KIAA1671: variants seen among roughly 807,000 people sequenced by gnomAD.
KIAA1671 encodes the protein uncharacterized protein KIAA1671.
A neutral mutation model predicts 131.2 loss-of-function variants in KIAA1671; 52 were observed. The observed-to-expected ratio is 0.40, with a 90% CI of 0.32 to 0.50. The LOEUF (loss-of-function observed/expected upper bound fraction) is 0.50, where lower values mean the gene tolerates loss of function less well. Ranked by LOEUF, KIAA1671 falls within the 20% of genes least tolerant of loss-of-function variation. The pLI is 0.73. For missense variants in KIAA1671, 2,360 were observed against 2,364.2 expected (o/e 1.00, Z 0.04); for synonymous variants, 1,003 against 961.6 (o/e 1.04, Z -0.80).
At chr22:25,107,864 C>T (rs1601320937) in intron 6 of KIAA1671, among the ~76,000 whole-genome samples, 1 of 152,176 alleles carries the variant, frequency 6.6e-6, no homozygotes, top group Admixed American at 6.5e-5. Context: ...AAAAATTAGC[C>T]AGGCGTGGTG....
At chr22:25,117,439 C>T (rs1251135540) in intron 6 of KIAA1671, among the ~76,000 whole-genome samples, 2 of 152,138 alleles carry the variant, frequency 1.3e-5, no homozygotes, top group African/African-American at 4.8e-5. Context: ...CCACACCCTG[C>T]ACTGGGGATT....
intron 6 of KIAA1671, chr22:25,054,449 C>T (rs1927732388): frequency 6.7e-6 from 1 of 149,638 alleles, no homozygotes; most frequent in Non-Finnish European, 1.5e-5. Context: ...TGCGTAGCCT[C>T]TTCTGTGTAT....
intron 6 of KIAA1671, among the ~76,000 whole-genome samples, chr22:25,120,757 T>C (rs1931895713): frequency 6.6e-6 from 1 of 152,240 alleles, no homozygotes; most frequent in African/African-American, 2.4e-5. Flanking sequence ...CTCTTTCTCT[T>C]TATATCCTTT....
intron 1 of KIAA1671, chr22:25,012,817 C>T (rs546789148): frequency 2.6e-5 from 4 of 152,236 alleles, no homozygotes; most frequent in Non-Finnish European, 5.9e-5. Context: ...TGGCACCCAG[C>T]AGAGACTGTC....
chr22:25,160,983 T>C (rs1236645652), intron 6 of KIAA1671, among the ~76,000 whole-genome samples: 1 of 152,170 alleles, frequency 6.6e-6, no homozygotes, highest in East Asian at 1.9e-4. Context: ...CTGGCAGCTT[T>C]GAGAGAGGGT....
At chr22:25,147,153 T>C (rs533346329) in intron 6 of KIAA1671, among the ~76,000 whole-genome samples, 3 of 145,506 alleles carry the variant, frequency 2.1e-5, no homozygotes, top group Non-Finnish European at 4.5e-5. Flanking sequence ...TTTTATTTTT[T>C]ACTATTTTAT....
chr22:25,037,265 G>GT (rs1343462710), intron 4 of KIAA1671, among the ~76,000 whole-genome samples: 1 of 152,210 alleles, frequency 6.6e-6, no homozygotes, highest in African/African-American at 2.4e-5. Context: ...GGAGGTTGCA[G>GT]TGAGCCGAGA....
At chr22:24,992,239 C>T (rs1158952426) in intron 1 of KIAA1671, among the ~76,000 whole-genome samples, 1 of 152,180 alleles carries the variant, frequency 6.6e-6, no homozygotes, top group Non-Finnish European at 1.5e-5. Flanking sequence ...TTAGGATGTC[C>T]ATGCCTAGGG....
intron 6 of KIAA1671, among the ~76,000 whole-genome samples, chr22:25,166,029 G>T (rs1285347379): frequency 6.6e-6 from 1 of 152,250 alleles, no homozygotes; most frequent in Non-Finnish European, 1.5e-5. Context: ...GGCTGTGGAA[G>T]GGCTTTGAGC....
intron 1 of KIAA1671, among the ~76,000 whole-genome samples, chr22:24,998,775 T>C (rs1924280199): frequency 6.7e-6 from 1 of 150,270 alleles, no homozygotes; most frequent in African/African-American, 2.4e-5. Flanking sequence ...TCACCTATTG[T>C]AAAGTTTAAA....
In KIAA1671 at chr22:25,039,162, A is replaced by C. The variant is rs1926775984; in HGVS notation, c.2032A>C (p.Asn678His). 6.4e-7 allele frequency: 1 copy of C among 1,551,692 alleles called. No individual in the cohort carries two copies. The highest frequency in any genetic ancestry group is 2.0e-5 in the Admixed American group (1 of 50,988). ...GAAAGAGAACTCCAGAGGGTTTGAC[A>C]ATCCCGAGACGGAGAAATTGGGACC... ...LKKENSRGFDNPETEKLGPTT... is the reference protein window; with the variant it reads ...LKKENSRGFDHPETEKLGPTT... The change falls in exon 5 of 13, where the codon AAT becomes CAT. Residue 678 changes from asparagine to histidine, a missense_variant. Physicochemically the swap from Asn to His is moderately conservative, Grantham distance 68 (BLOSUM62 1). This residue lies in a region of KIAA1671 where 1,185 missense variants were observed against 1,126.2 expected (regional missense o/e 1.05). Coordinates refer to ENST00000358431, the MANE Select transcript of KIAA1671 (RefSeq NM_001145206.2).
At chr22:24,984,078 G>A (rs1045683498) in intron 1 of KIAA1671, among the ~76,000 whole-genome samples, 9 of 152,046 alleles carry the variant, frequency 5.9e-5, no homozygotes, top group Non-Finnish European at 1.5e-5. Flanking sequence ...GCGCCTGGCC[G>A]GTGTTTGGAT....
chr22:25,179,165 C>T (rs1401465570), intron 9 of KIAA1671: 5 of 877,218 alleles, frequency 5.7e-6, no homozygotes, highest in South Asian at 2.9e-5. Context: ...CAGGGCAGGG[C>T]GGCTGAGTGC....
intron 6 of KIAA1671, among the ~76,000 whole-genome samples, chr22:25,130,612 C>T (rs1023032460): frequency 1.2e-4 from 18 of 152,162 alleles, no homozygotes; most frequent in African/African-American, 4.1e-4. Context: ...CTGTGAGGGG[C>T]GGGGGACACT....
At chr22:25,141,806 T>C (rs1012729019) in intron 6 of KIAA1671, among the ~76,000 whole-genome samples, 3 of 152,208 alleles carry the variant, frequency 2.0e-5, no homozygotes, top group Non-Finnish European at 2.9e-5. Flanking sequence ...CCAGAGGTTC[T>C]GACTTAGACC....
chr22:25,196,863 A>G lies in KIAA1671; in HGVS notation c.*4462A>G, dbSNP rs1934844915. ...ACTGTGCTGTTTCCTAAATCATACC[A>G]ATATCCTAAAGTCATGCACTTCCCA... On this transcript the variant is annotated 3_prime_UTR_variant, in exon 13 of 13. Transcript: ENST00000358431. The G allele has an allele frequency of 6.6e-6, 1 of 152,126 alleles. No individual in the cohort carries two copies. The highest frequency in any genetic ancestry group is 2.4e-5 in the African/African-American group (1 of 41,402). The allele number at this position is 152,126 out of a possible 1,614,324, so 9.4% of individuals were successfully genotyped here. A position where few individuals can be genotyped will look rare whatever the true frequency, so the allele number is the denominator to read the frequency against.
intron 6 of KIAA1671, among the ~76,000 whole-genome samples, chr22:25,167,269 T>TCCAAAGCTGGCTTGCTCATCTGGATC (rs1933677463): frequency 6.6e-6 from 1 of 152,208 alleles, no homozygotes; most frequent in East Asian, 1.9e-4. Context: ...GGCAGCCTCT[T>TCCAAAGCTGGCTTGCTCATCTGGATC]CCAAAGCTGG....
At chr22:25,117,749 G>A (rs1045360508) in intron 6 of KIAA1671, among the ~76,000 whole-genome samples, 4 of 151,890 alleles carry the variant, frequency 2.6e-5, no homozygotes, top group Non-Finnish European at 5.9e-5. Context: ...TCCCTACTGG[G>A]GTCCTCCGGC....
chr22:25,184,335 C>T (rs1275766733), intron 10 of KIAA1671, among the ~76,000 whole-genome samples: 1 of 152,210 alleles, frequency 6.6e-6, no homozygotes, highest in Admixed American at 6.5e-5. Context: ...TGTCATATTT[C>T]TTGAGCCTGG....
Sources: gnomAD v4.1 joint callset for allele counts (sites outside exome capture counted in the v4.1 genomes callset) on GRCh38, gnomAD v4.1.1 for gene constraint, gnomAD v4.1.1 regional missense constraint, MANE v1.5 for transcripts, NCBI Gene and HGNC (gene_info 2026-07-23, HGNC 2026-07-21) for gene names.